The following PTPRN2 variants were observed in gnomAD, a reference collection of about 807,000 sequenced individuals.
PTPRN2 encodes receptor-type tyrosine-protein phosphatase N2.
A neutral mutation model predicts 118.8 loss-of-function variants in PTPRN2; 74 were observed. The observed-to-expected ratio is 0.62, with a 90% CI of 0.52 to 0.76. PTPRN2 has a LOEUF of 0.76. PTPRN2 is among the 30% of genes least tolerant of loss of function. The probability of loss-of-function intolerance (pLI) is 0.00; values close to 1 mark genes in which losing one functional copy is unlikely to be tolerated. For missense variants in PTPRN2, 1,481 were observed against 1,394.4 expected, an observed-to-expected ratio of 1.06 and a Z score of -0.99; for synonymous variants, 641 against 608.0, an observed-to-expected ratio of 1.05 and a Z score of -0.80.
At chr7:158,375,150 G>A (rs560615624) in intron 2 of PTPRN2, among the ~76,000 whole-genome samples, 13 of 152,260 alleles carry the variant, frequency 8.5e-5, no homozygotes, top group Middle Eastern at 3.4e-3. Flanking sequence ...GGCAGTGGCC[G>A]GCCAGAGCAT....
chr7:157,696,343 C>T (rs1366816392), intron 12 of PTPRN2, among the ~76,000 whole-genome samples: 28 of 125,554 alleles, frequency 2.2e-4, no homozygotes, highest in African/African-American at 8.9e-4. Flanking sequence ...AGAGCCCTCA[C>T]CATCTACTCA....
In PTPRN2 at chr7:158,273,645, A is replaced by G. The variant is rs1490437467; in HGVS notation, c.277+43174T>C. On this transcript the variant is annotated intron_variant, in intron 3 of 22. Coordinates refer to ENST00000389418, the MANE Select transcript of PTPRN2 (RefSeq NM_002847.5). ...GCAGGCATGGGGGAGCCGCAGACAG[A>G]CATGGGAGGAGCCGCAGACACGGGA... Among the ~76,000 whole-genome samples, 7 of 80,754 alleles carry G rather than the reference A, an allele frequency of 8.7e-5. 1 individual carries two copies. The highest frequency in any genetic ancestry group is 2.4e-4 in the Admixed American group (2 of 8,218). 53.0% of individuals were successfully genotyped at this position (80,754 alleles called of 152,430 possible).
At position 157,627,172 on chromosome 7, in the gene PTPRN2, C is replaced by T. The variant is rs983577515; in HGVS notation, c.2197-5663G>A. Among the ~76,000 whole-genome samples the T allele has an allele frequency of 9.9e-5, 15 of 152,092 alleles. No homozygotes were observed. Among genetic ancestry groups the T allele is most frequent in the African/African-American group, 3.6e-4 (15 of 41,348 alleles). ...GGCCTCCAGGCACCAGTGTGCACCG[C>T]ACCTGCAGCTGGGTCTCCTCCGGGG... On this transcript the variant is annotated intron_variant, in intron 14 of 22. Coordinates refer to ENST00000389418, the MANE Select transcript of PTPRN2 (RefSeq NM_002847.5). This position sits in a 1 kb window ranked among gnomAD's most constrained non-coding sequence, Gnocchi z 4.2.
intron 2 of PTPRN2, among the ~76,000 whole-genome samples, chr7:158,471,394 A>T (rs1819839419): frequency 6.6e-6 from 1 of 152,170 alleles, no homozygotes; most frequent in Non-Finnish European, 1.5e-5. Flanking sequence ...GGACAAGTTT[A>T]AAACCTTACT....
At chr7:157,975,990 C>T (rs1025303322) in intron 11 of PTPRN2, among the ~76,000 whole-genome samples, 8 of 152,188 alleles carry the variant, frequency 5.3e-5, no homozygotes, top group African/African-American at 1.9e-4. Context: ...AGAGAGGGAA[C>T]TTCTGTCGAG....
At chr7:157,747,815 A>T (rs1801090451) in intron 12 of PTPRN2, among the ~76,000 whole-genome samples, 1 of 125,400 alleles carries the variant, frequency 8.0e-6, no homozygotes, top group Non-Finnish European at 1.6e-5. Context: ...GGTGATTCTG[A>T]GGCCTGCGTC....
At chr7:158,216,101 C>CAT (rs1170823918) in intron 3 of PTPRN2, among the ~76,000 whole-genome samples, 1 of 151,954 alleles carries the variant, frequency 6.6e-6, no homozygotes, top group Non-Finnish European at 1.5e-5. Context: ...AGTAAAATGT[C>CAT]ATAAAGGAAG....
intron 11 of PTPRN2, among the ~76,000 whole-genome samples, chr7:158,078,912 A>G (rs1303863863): frequency 6.6e-6 from 1 of 152,122 alleles, no homozygotes; most frequent in African/African-American, 2.4e-5. Flanking sequence ...CAGTGATGCA[A>G]TCTTGGCTCA....
rs547521075 is a variant in PTPRN2, at chr7:158,123,945, G to A, written c.1556+9732C>T. Among the ~76,000 whole-genome samples the A allele has an allele frequency of 6.0e-5, 9 of 150,500 alleles. 1 individual carries two copies. The highest frequency in any genetic ancestry group is 1.9e-4 in the African/African-American group (8 of 41,388). Reference sequence around the variant, plus strand: ...CTGATTTGACCTCAGATCCCGTGCCGACCCAGGCGGAGCTGGTTCTCTAAT... The same window carrying A: ...CTGATTTGACCTCAGATCCCGTGCCAACCCAGGCGGAGCTGGTTCTCTAAT... On this transcript the variant is annotated intron_variant, in intron 9 of 22. Transcript: ENST00000389418.
At chr7:158,285,540 G>A (rs1799712432) in intron 3 of PTPRN2, among the ~76,000 whole-genome samples, 3 of 152,208 alleles carry the variant, frequency 2.0e-5, no homozygotes, top group South Asian at 2.1e-4. Flanking sequence ...GCTCTTGCCT[G>A]GGTACAGCAG....
intron 11 of PTPRN2, among the ~76,000 whole-genome samples, chr7:158,047,292 C>T (rs895137419): frequency 9.2e-5 from 14 of 152,236 alleles, no homozygotes; most frequent in East Asian, 1.9e-4. Flanking sequence ...GGCCAGGAGC[C>T]GAGGGCAGGT....
At chr7:157,783,150 A>C (rs1245848092) in intron 12 of PTPRN2, among the ~76,000 whole-genome samples, 2 of 152,068 alleles carry the variant, frequency 1.3e-5, no homozygotes, top group African/African-American at 4.8e-5. Context: ...TTCTGCTGTG[A>C]TTGTAAGTTT....
chr7:158,420,544 G>C (rs1815162731), intron 2 of PTPRN2, among the ~76,000 whole-genome samples: 1 of 152,198 alleles, frequency 6.6e-6, no homozygotes, highest in African/African-American at 2.4e-5. Context: ...TTAATGAGAA[G>C]AGTTATTTAC....
At chr7:157,625,996 A>C (rs1015266894) in intron 14 of PTPRN2, among the ~76,000 whole-genome samples, 10 of 152,314 alleles carry the variant, frequency 6.6e-5, no homozygotes, top group Non-Finnish European at 1.2e-4. Context: ...GGACATCCTC[A>C]ACAGAATACA....
chr7:158,219,728 C>T (rs887035880), intron 3 of PTPRN2, among the ~76,000 whole-genome samples: 2 of 151,770 alleles, frequency 1.3e-5, no homozygotes, highest in African/African-American at 4.8e-5. Context: ...TACAAGAAAA[C>T]CTTTTAGGTT....
At chr7:157,937,112 C>A (rs1164445230) in intron 11 of PTPRN2, among the ~76,000 whole-genome samples, 1 of 152,202 alleles carries the variant, frequency 6.6e-6, no homozygotes, top group East Asian at 1.9e-4. Flanking sequence ...GCCCTCCGGA[C>A]CCCTGAACAC....
intron 12 of PTPRN2, among the ~76,000 whole-genome samples, chr7:157,758,125 T>C (rs1479517084): frequency 6.6e-6 from 1 of 152,102 alleles, no homozygotes; most frequent in Non-Finnish European, 1.5e-5. Flanking sequence ...GGTCGCGGGA[T>C]GGGATGTGCT....
chr7:157,877,423 C>T (rs1355681396), intron 12 of PTPRN2, among the ~76,000 whole-genome samples: 1 of 151,132 alleles, frequency 6.6e-6, no homozygotes, highest in Non-Finnish European at 1.5e-5. Flanking sequence ...CCTCAGGGAC[C>T]TTGGGTCCAA....
intron 22 of PTPRN2, among the ~76,000 whole-genome samples, chr7:157,541,779 T>G (rs985064568): frequency 6.6e-6 from 1 of 152,206 alleles, no homozygotes; most frequent in African/African-American, 2.4e-5. Context: ...ATTTCCAGTT[T>G]TGAATGTTTA....
Sources: gnomAD v4.1 joint callset for allele counts (sites outside exome capture counted in the v4.1 genomes callset) on GRCh38, gnomAD v4.1.1 for gene constraint, Gnocchi (gnomAD v3.1) non-coding constraint, MANE v1.5 for transcripts, NCBI Gene and HGNC (gene_info 2026-07-23, HGNC 2026-07-21) for gene names.